The following ZNF385D variants were observed in gnomAD, a reference collection of about 807,000 sequenced individuals.
The protein encoded by ZNF385D is zinc finger protein 659.
In ZNF385D, 15 loss-of-function variants were observed where a neutral mutation model predicts 35.8. The ratio of observed to expected loss-of-function variants is 0.42; its 90% CI spans 0.28 to 0.64. The LOEUF is 0.64. Ranked by LOEUF, ZNF385D falls within the 30% of genes least tolerant of loss-of-function variation. ZNF385D has a pLI of 0.23. For missense variants in ZNF385D, 474 were observed against 494.6 expected (o/e 0.96, Z 0.39); for synonymous variants, 212 against 186.8 (o/e 1.13, Z -1.10).
chr3:21,819,898 T>C (rs1157221816), intron 3 of ZNF385D, among the ~76,000 whole-genome samples: 1 of 149,206 alleles, frequency 6.7e-6, no homozygotes, highest in Non-Finnish European at 1.5e-5. Context: ...ACTTCATATA[T>C]TTATATACAG....
intron 3 of ZNF385D, among the ~76,000 whole-genome samples, chr3:21,984,630 G>C (rs1189380750): frequency 1.1e-5 from 1 of 92,980 alleles, no homozygotes; most frequent in Non-Finnish European, 2.2e-5. Flanking sequence ...TTTGGCTTAG[G>C]ATTGACTTGG....
At chr3:21,787,525 A>G (rs1253090027) in intron 3 of ZNF385D, among the ~76,000 whole-genome samples, 2 of 152,174 alleles carry the variant, frequency 1.3e-5, no homozygotes. Flanking sequence ...ATGGAAGAGT[A>G]GAAGCCCTTT....
chr3:22,082,554 C>G (rs898835975), intron 3 of ZNF385D, among the ~76,000 whole-genome samples: 12 of 152,182 alleles, frequency 7.9e-5, no homozygotes, highest in Admixed American at 7.2e-4. Flanking sequence ...TTGGGAAGCT[C>G]TAACTGGATA....
chr3:21,768,141 C>T (rs1319024084), intron 3 of ZNF385D, among the ~76,000 whole-genome samples: 1 of 151,800 alleles, frequency 6.6e-6, no homozygotes, highest in African/African-American at 2.4e-5. Context: ...TGAGAGAATC[C>T]CCAGGCCATT....
At chr3:21,913,790 C>T (rs762694984) in intron 3 of ZNF385D, among the ~76,000 whole-genome samples, 1 of 152,076 alleles carries the variant, frequency 6.6e-6, no homozygotes, top group Non-Finnish European at 1.5e-5. Context: ...GCCATCCTCC[C>T]ACCCTTTGAT....
chr3:22,040,354 A>G lies in ZNF385D; in HGVS notation c.325+128463T>C, dbSNP rs540914359. 7.2e-5 allele frequency among the ~76,000 whole-genome samples: 11 copies of G among 152,286 alleles called. No homozygotes were observed. The East Asian group carries it at 2.1e-3, about 29-fold the overall frequency. ...TTAAGGAAGGTTTGGTTATTACGTC[A>G]TTTTATAGATAAGGGAACTTAAGTG... On this transcript the variant is annotated intron_variant, in intron 3 of 5. Coordinates refer to the ZNF385D transcript ENST00000494108.
chr3:22,297,008 A>G (rs775241077), intron 2 of ZNF385D, among the ~76,000 whole-genome samples: 9 of 152,170 alleles, frequency 5.9e-5, no homozygotes, highest in African/African-American at 1.4e-4. Context: ...AGGTACAAGT[A>G]TAAGTGGAGG....
At chr3:21,967,067 A>T (rs954000230) in intron 3 of ZNF385D, among the ~76,000 whole-genome samples, 1 of 152,216 alleles carries the variant, frequency 6.6e-6, no homozygotes, top group Non-Finnish European at 1.5e-5. Context: ...TAATAGTGAA[A>T]AATTCCATAC....
upstream of ZNF385D, among the ~76,000 whole-genome samples, chr3:21,754,414 C>T (rs1446070640): frequency 1.3e-5 from 2 of 152,146 alleles, no homozygotes; most frequent in Non-Finnish European, 2.9e-5. Flanking sequence ...AGCTGTAGCA[C>T]CAACCTGCTT....
At chr3:21,640,985 G>A (rs767419460) in intron 2 of ZNF385D, among the ~76,000 whole-genome samples, 1 of 152,052 alleles carries the variant, frequency 6.6e-6, no homozygotes, top group Non-Finnish European at 1.5e-5. Flanking sequence ...TATGAAAATG[G>A]TCACTGTTAG....
At chr3:21,515,968 T>C (rs774482641) in intron 3 of ZNF385D, among the ~76,000 whole-genome samples, 3 of 152,224 alleles carry the variant, frequency 2.0e-5, no homozygotes, top group Non-Finnish European at 4.4e-5. Context: ...TCTTTTGAGA[T>C]GTTTTTCAGA....
intron 2 of ZNF385D, among the ~76,000 whole-genome samples, chr3:22,345,823 C>A (rs1157306212): frequency 1.4e-4 from 22 of 152,152 alleles, no homozygotes; most frequent in Admixed American, 1.4e-3. Context: ...TCTCTCAGAT[C>A]TCGCAGTCTG....
intron 2 of ZNF385D, among the ~76,000 whole-genome samples, chr3:21,576,669 G>C (rs1575228989): frequency 6.6e-6 from 1 of 152,128 alleles, no homozygotes; most frequent in East Asian, 1.9e-4. Flanking sequence ...CATATACCTG[G>C]TGATTCTTAT....
chr3:22,021,886 T>A (rs967479851), intron 3 of ZNF385D, among the ~76,000 whole-genome samples: 1 of 152,080 alleles, frequency 6.6e-6, no homozygotes, highest in Non-Finnish European at 1.5e-5. Flanking sequence ...ACTTGGAATG[T>A]TTAGAATAAT....
chr3:22,367,450 G>A (rs1696706508), intron 2 of ZNF385D, among the ~76,000 whole-genome samples: 1 of 152,178 alleles, frequency 6.6e-6, no homozygotes, highest in South Asian at 2.1e-4. Flanking sequence ...AAGTTACTGT[G>A]AATGTAGAAT....
chr3:21,864,148 T>G (rs975735934), intron 3 of ZNF385D, among the ~76,000 whole-genome samples: 12 of 152,110 alleles, frequency 7.9e-5, no homozygotes, highest in Admixed American at 4.6e-4. Flanking sequence ...AGGGTTCATT[T>G]TACAGTTGAA....
chr3:22,202,773 C>A (rs1246039321), intron 2 of ZNF385D, among the ~76,000 whole-genome samples: 3 of 152,080 alleles, frequency 2.0e-5, no homozygotes, highest in Non-Finnish European at 4.4e-5. Flanking sequence ...GAATGTGGGA[C>A]TTTGCATGGG....
At chr3:22,208,621 C>T (rs1697311379) in intron 2 of ZNF385D, among the ~76,000 whole-genome samples, 1 of 151,472 alleles carries the variant, frequency 6.6e-6, no homozygotes, top group Admixed American at 6.6e-5. Flanking sequence ...CCTCATTTCC[C>T]CTCATGTGAT....
chr3:22,225,827 T>C (rs1259320260), intron 2 of ZNF385D, among the ~76,000 whole-genome samples: 1 of 152,254 alleles, frequency 6.6e-6, no homozygotes, highest in Admixed American at 6.5e-5. Flanking sequence ...TTGCTAGATT[T>C]ATACAAATGT....
Sources: gnomAD v4.1 joint callset for allele counts (sites outside exome capture counted in the v4.1 genomes callset) on GRCh38, gnomAD v4.1.1 for gene constraint, MANE v1.5 for transcripts, NCBI Gene and HGNC (gene_info 2026-07-23, HGNC 2026-07-21) for gene names.